The following RABGAP1L variants were observed in gnomAD, a reference collection of about 807,000 sequenced individuals.
RABGAP1L encodes RAB GTPase activating protein 1 like.
A neutral mutation model predicts 137.7 loss-of-function variants in RABGAP1L; 63 were observed. The ratio of observed to expected loss-of-function variants is 0.46; its 90% CI spans 0.37 to 0.56. The LOEUF (loss-of-function observed/expected upper bound fraction) is 0.56. Among genes scored for constraint, RABGAP1L ranks in the 20% least tolerant of loss-of-function variants. The pLI, the probability that RABGAP1L is intolerant of heterozygous loss-of-function variation, is 0.00. For missense variants in RABGAP1L, 1,095 were observed against 1,244.0 expected, an observed-to-expected ratio of 0.88 and a Z score of 1.80; for synonymous variants, 431 against 433.7, an observed-to-expected ratio of 0.99 and a Z score of 0.08.
At chr1:174,202,113 G>C (rs1181241633) in intron 1 of RABGAP1L, among the ~76,000 whole-genome samples, 1 of 151,770 alleles carries the variant, frequency 6.6e-6, no homozygotes, top group African/African-American at 2.4e-5. Context: ...ATAAACATAC[G>C]TGTGCATGTG....
chr1:174,941,686 GAAACAAAACA>G (rs140349820), intron 19 of RABGAP1L, among the ~76,000 whole-genome samples: 17,250 of 150,336 alleles, frequency 0.11, 1,034 homozygotes, highest in East Asian at 0.21. Context: ...CCACCAAAAC[GAAACAAAACA>G]AAACAAAACA....
chr1:174,429,757 A>T (rs1652389463), intron 13 of RABGAP1L, among the ~76,000 whole-genome samples: 1 of 151,796 alleles, frequency 6.6e-6, no homozygotes, highest in African/African-American at 2.4e-5. Flanking sequence ...AAAAATAAAA[A>T]TAAAAATAAA....
At chr1:174,754,481 T>G (rs1422535167) in intron 18 of RABGAP1L, among the ~76,000 whole-genome samples, 1 of 152,258 alleles carries the variant, frequency 6.6e-6, no homozygotes, top group Admixed American at 6.5e-5. Context: ...GGTTTTTTTT[T>G]CTTTTGTTTT....
intron 13 of RABGAP1L, among the ~76,000 whole-genome samples, chr1:174,406,834 T>C (rs898984687): frequency 6.6e-6 from 1 of 152,172 alleles, no homozygotes; most frequent in Non-Finnish European, 1.5e-5. Flanking sequence ...CACTTGAGCC[T>C]AGGAGGCTGC....
chr1:174,316,048 A>G (rs1679348640), intron 11 of RABGAP1L, among the ~76,000 whole-genome samples: 1 of 152,150 alleles, frequency 6.6e-6, no homozygotes, highest in African/African-American at 2.4e-5. Context: ...CCTTAGCTCC[A>G]ATTGCATTTT....
chr1:174,267,523 A>C (rs552406506), intron 7 of RABGAP1L, among the ~76,000 whole-genome samples: 1 of 152,148 alleles, frequency 6.6e-6, no homozygotes, highest in Non-Finnish European at 1.5e-5. Context: ...GACTCTGGCA[A>C]ATTTTTCACA....
At chr1:174,268,215 T>G (rs1482172363) in intron 7 of RABGAP1L, among the ~76,000 whole-genome samples, 1 of 151,940 alleles carries the variant, frequency 6.6e-6, no homozygotes. Flanking sequence ...TTTTTTTTTT[T>G]TTGAGACGGA....
At chr1:174,402,297 A>G (rs1648694643) in intron 13 of RABGAP1L, among the ~76,000 whole-genome samples, 1 of 152,194 alleles carries the variant, frequency 6.6e-6, no homozygotes, top group South Asian at 2.1e-4. Context: ...GGTCTTGTAA[A>G]GATCCTTTAG....
intron 13 of RABGAP1L, among the ~76,000 whole-genome samples, chr1:174,554,051 T>G (rs1307295833): frequency 6.6e-6 from 1 of 152,166 alleles, no homozygotes; most frequent in African/African-American, 2.4e-5. Context: ...CTCTTCAAGA[T>G]TAATAAAGAT....
chr1:174,223,382 G>A (rs994496739), intron 3 of RABGAP1L, among the ~76,000 whole-genome samples: 4 of 141,636 alleles, frequency 2.8e-5, no homozygotes, highest in African/African-American at 7.9e-5. Flanking sequence ...GGTGGAGGTT[G>A]CAATGAACTG....
intron 1 of RABGAP1L, among the ~76,000 whole-genome samples, chr1:174,194,820 A>G (rs528275172): frequency 5.3e-5 from 8 of 152,328 alleles, no homozygotes; most frequent in Non-Finnish European, 1.2e-4. Flanking sequence ...GCTGGTGGGC[A>G]CAGGGTTTGC....
Position 174,371,018 on chromosome 1 carries a change from C to G in RABGAP1L, c.1505C>G (p.Ser502Cys). Reference protein sequence around the residue: ...NELSSGTGDVSKDCPEKILYS... With the variant: ...NELSSGTGDVCKDCPEKILYS... ...CTCTCAAGTGGAACAGGTGATGTGTCTAAGGATTGTCCTGAGAAGATCCTG... is the reference window on the plus strand; with the variant it reads ...CTCTCAAGTGGAACAGGTGATGTGTGTAAGGATTGTCCTGAGAAGATCCTG... The change falls in exon 12 of 26, where the codon TCT (serine) becomes TGT (cysteine). Residue 502 changes from serine (S) to cysteine (C), a missense_variant. Coordinates refer to ENST00000681986, the MANE Select transcript of RABGAP1L (RefSeq NM_001366446.1). The G allele has an allele frequency of 6.6e-7, 1 of 1,508,036 alleles. No homozygotes were observed. Among genetic ancestry groups the G allele is most frequent in the Non-Finnish European group, 9.0e-7 (1 of 1,111,300 alleles). 93.4% of individuals were successfully genotyped at this position (1,508,036 alleles called of 1,614,324 possible).
intron 11 of RABGAP1L, among the ~76,000 whole-genome samples, chr1:174,335,293 C>T (rs1352965248): frequency 1.3e-5 from 2 of 152,150 alleles, no homozygotes; most frequent in East Asian, 3.8e-4. Context: ...TAATTATTTT[C>T]AACAATTTGC....
At chr1:174,535,622 TC>T (rs1157468990) in intron 13 of RABGAP1L, among the ~76,000 whole-genome samples, 1 of 152,230 alleles carries the variant, frequency 6.6e-6, no homozygotes, top group Non-Finnish European at 1.5e-5. Flanking sequence ...GCCCTTCATT[TC>T]CCAATTTCTT....
intron 3 of RABGAP1L, among the ~76,000 whole-genome samples, chr1:174,227,922 C>A (rs1268549921): frequency 6.7e-6 from 1 of 149,356 alleles, no homozygotes; most frequent in Non-Finnish European, 1.5e-5. Flanking sequence ...GTCTTTTTCT[C>A]ATATTTAACT....
chr1:174,199,317 G>A (rs538539222), intron 1 of RABGAP1L, among the ~76,000 whole-genome samples: 60 of 151,946 alleles, frequency 3.9e-4, no homozygotes, highest in African/African-American at 1.3e-3. Flanking sequence ...TTTAAGACAG[G>A]GTCTCGCTCT....
At chr1:174,897,903 C>T (rs1414671913) in intron 19 of RABGAP1L, 4 of 143,550 alleles carry the variant, frequency 2.8e-5, no homozygotes, top group Non-Finnish European at 6.0e-5. Flanking sequence ...ATCTCGAACC[C>T]GGGAAGTTGA....
At chr1:174,764,096 CATA>C (rs1210602446) in intron 18 of RABGAP1L, among the ~76,000 whole-genome samples, 19 of 152,228 alleles carry the variant, frequency 1.2e-4, no homozygotes, top group African/African-American at 4.6e-4. Context: ...TTTTCCTTAG[CATA>C]ATGTTTTCAA....
chr1:174,201,455 C>T, intron 1 of RABGAP1L, among the ~76,000 whole-genome samples: 1 of 152,142 alleles, frequency 6.6e-6, no homozygotes, highest in East Asian at 1.9e-4. Flanking sequence ...ACCTTGGCCT[C>T]CCAAGGGGCT....
Sources: allele counts gnomAD v4.1 joint callset (sites outside exome capture counted in the v4.1 genomes callset), GRCh38; gene constraint gnomAD v4.1.1; transcripts MANE v1.5; gene names NCBI Gene and HGNC (gene_info 2026-07-23, HGNC 2026-07-21).